Variants in SEMA5A observed in about 807,000 individuals in gnomAD.
SEMA5A encodes semaphorin 5A, also known as semaphorin-5A.
A neutral mutation model predicts 135.5 loss-of-function variants in SEMA5A; 55 were observed. That is an observed-to-expected ratio of 0.41 (90% confidence interval 0.33 to 0.51). SEMA5A has a LOEUF of 0.51. Among genes scored for constraint, SEMA5A ranks in the 20% least tolerant of loss-of-function variants. The probability of loss-of-function intolerance (pLI) is 0.37; values close to 1 mark genes in which losing one functional copy is unlikely to be tolerated. For missense variants in SEMA5A, 1,290 were observed against 1,419.9 expected, an observed-to-expected ratio of 0.91 and a Z score of 1.47; for synonymous variants, 580 against 546.5, an observed-to-expected ratio of 1.06 and a Z score of -0.85.
chr5:9,268,902 G>A (rs1212538980), intron 5 of SEMA5A, among the ~76,000 whole-genome samples: 2 of 152,054 alleles, frequency 1.3e-5, no homozygotes, highest in African/African-American at 4.8e-5. Flanking sequence ...TATTTTTAAA[G>A]TAAGTATATT....
At chr5:9,430,360 G>T (rs1554034830) in intron 2 of SEMA5A, among the ~76,000 whole-genome samples, 1 of 152,182 alleles carries the variant, frequency 6.6e-6, no homozygotes, top group Non-Finnish European at 1.5e-5. Context: ...AACAATTCTG[G>T]AGCTTAGGGA....
intron 16 of SEMA5A, among the ~76,000 whole-genome samples, chr5:9,085,971 T>C (rs1738661188): frequency 6.6e-6 from 1 of 152,128 alleles, no homozygotes; most frequent in Admixed American, 6.5e-5. Flanking sequence ...TCAAAGGAGA[T>C]CATTTTGGAG....
In SEMA5A at chr5:9,283,604, T is replaced by C. The variant is rs574608782; in HGVS notation, c.270+34768A>G. On this transcript the variant is annotated intron_variant, in intron 5 of 22. Transcript: ENST00000382496. ...CTTACCATATAAGGTAAATTAATTA[T>C]GGTCCTGCTCACATTCAAGGGGAGG... 3.3e-5 allele frequency among the ~76,000 whole-genome samples: 5 copies of C among 152,320 alleles called. No homozygotes were observed. In the East Asian group the frequency reaches 9.6e-4, roughly 29 times the overall value.
At chr5:9,287,790 T>A (rs2150577644) in intron 5 of SEMA5A, among the ~76,000 whole-genome samples, 1 of 152,368 alleles carries the variant, frequency 6.6e-6, no homozygotes, top group South Asian at 2.1e-4. Flanking sequence ...TCTCTGCATT[T>A]ACTATCTGGC....
At chr5:9,446,217 C>G (rs146208549) in intron 1 of SEMA5A, among the ~76,000 whole-genome samples, 84 of 152,254 alleles carry the variant, frequency 5.5e-4, no homozygotes, top group African/African-American at 1.9e-3. Flanking sequence ...CTCAGTATTG[C>G]CTCAGTAACG....
chr5:9,158,007 T>C (rs941633255), intron 11 of SEMA5A, among the ~76,000 whole-genome samples: 3 of 152,214 alleles, frequency 2.0e-5, no homozygotes. Context: ...TTAGGCTCCA[T>C]AGGGAAAAGA....
chr5:9,320,970 C>A (rs959795401), intron 4 of SEMA5A, among the ~76,000 whole-genome samples: 5 of 152,102 alleles, frequency 3.3e-5, no homozygotes, highest in Non-Finnish European at 1.5e-5. Flanking sequence ...TGTCCCCACC[C>A]AAATCTCATC....
At chr5:9,221,708 G>A (rs1169712026) in intron 8 of SEMA5A, among the ~76,000 whole-genome samples, 2 of 152,134 alleles carry the variant, frequency 1.3e-5, no homozygotes, top group Non-Finnish European at 2.9e-5. Flanking sequence ...TCCAAAAAAC[G>A]AAAATTACTC....
At chr5:9,279,505 T>G (rs966864712) in intron 5 of SEMA5A, among the ~76,000 whole-genome samples, 5 of 152,072 alleles carry the variant, frequency 3.3e-5, no homozygotes, top group African/African-American at 1.2e-4. Flanking sequence ...CCCTGATTGT[T>G]TTGGAAATGT....
At chr5:9,239,151 T>C (rs1407667068) in intron 5 of SEMA5A, among the ~76,000 whole-genome samples, 2 of 152,130 alleles carry the variant, frequency 1.3e-5, no homozygotes, top group Non-Finnish European at 2.9e-5. Context: ...CAAATATGAG[T>C]CCATAAGAAA....
At chr5:9,528,219 A>T (rs1386403180) in intron 1 of SEMA5A, among the ~76,000 whole-genome samples, 1 of 152,224 alleles carries the variant, frequency 6.6e-6, no homozygotes, top group Non-Finnish European at 1.5e-5. Context: ...GTCAGCCCTC[A>T]GTTACACTAT....
At chr5:9,470,648 C>G (rs1759441533) in intron 1 of SEMA5A, among the ~76,000 whole-genome samples, 1 of 152,156 alleles carries the variant, frequency 6.6e-6, no homozygotes, top group Non-Finnish European at 1.5e-5. Context: ...GAAACCATGC[C>G]TCCTCTGGAT....
At position 9,064,291 on chromosome 5, in the gene SEMA5A, G is replaced by C. The variant is rs537187795; in HGVS notation, c.2300-1186C>G. On this transcript the variant is annotated intron_variant, in intron 17 of 22. Coordinates refer to ENST00000382496, the MANE Select transcript of SEMA5A (RefSeq NM_003966.3). ...GATATCAATACCAAAATGTGAAATGGTCATGAGAACTCAAAGCCATTGAGA... is the reference window on the plus strand; with the variant it reads ...GATATCAATACCAAAATGTGAAATGCTCATGAGAACTCAAAGCCATTGAGA... Among the ~76,000 whole-genome samples, 19 of 152,254 alleles carry C rather than the reference G, an allele frequency of 1.2e-4. No homozygotes were observed. In the South Asian group the frequency reaches 3.5e-3, roughly 28 times the overall value.
At position 9,035,168 on chromosome 5, in the gene SEMA5A, C is replaced by T. The variant is rs923805463; in HGVS notation, c.*7729G>A. 6.6e-6 allele frequency: 1 copy of T among 152,308 alleles called. No homozygotes were observed. Among genetic ancestry groups the T allele is most frequent in the Admixed American group, 6.6e-5 (1 of 15,248 alleles). The allele number at this position is 152,308 out of a possible 1,614,324, so 9.4% of individuals were successfully genotyped here. A position where few individuals can be genotyped will look rare whatever the true frequency, so the allele number is the denominator to read the frequency against. On this transcript the variant is annotated 3_prime_UTR_variant, in exon 23 of 23. Coordinates refer to ENST00000382496, the MANE Select transcript of SEMA5A (RefSeq NM_003966.3). ...CAGGATTCCCTTGTTTTGTTCCCCC[C>T]ACAAATGGCAGCTAGAGATGGTAAG...
chr5:9,150,979 A>G (rs1194111989), intron 12 of SEMA5A, among the ~76,000 whole-genome samples: 1 of 152,116 alleles, frequency 6.6e-6, no homozygotes, highest in African/African-American at 2.4e-5. Flanking sequence ...AACCAGTAAT[A>G]CAACATGGGC....
chr5:9,206,988 C>T (rs967131555), intron 8 of SEMA5A, among the ~76,000 whole-genome samples: 2 of 147,468 alleles, frequency 1.4e-5, no homozygotes, highest in East Asian at 2.1e-4. Flanking sequence ...TGGCAAGTGT[C>T]GCACAAGGTG....
chr5:9,498,352 G>A (rs575549982), intron 1 of SEMA5A: 10 of 152,302 alleles, frequency 6.6e-5, no homozygotes, highest in South Asian at 2.1e-4. Flanking sequence ...ACCACGAGGG[G>A]AAAAGGACTT....
At chr5:9,149,005 C>T (rs1742488186) in intron 12 of SEMA5A, among the ~76,000 whole-genome samples, 1 of 152,166 alleles carries the variant, frequency 6.6e-6, no homozygotes. Context: ...CAAGTGTGAG[C>T]CACCATGCCC....
chr5:9,279,094 C>T (rs140702903), intron 5 of SEMA5A, among the ~76,000 whole-genome samples: 58 of 152,312 alleles, frequency 3.8e-4, no homozygotes, highest in South Asian at 2.1e-3. Flanking sequence ...AGGAACTCAA[C>T]GCCAGCCCAT....
Sources: gnomAD v4.1 joint callset for allele counts (sites outside exome capture counted in the v4.1 genomes callset) on GRCh38, gnomAD v4.1.1 for gene constraint, MANE v1.5 for transcripts, NCBI Gene and HGNC (gene_info 2026-07-23, HGNC 2026-07-21) for gene names.